The following PIP5K1B variants were observed in gnomAD, a reference collection of about 807,000 sequenced individuals.
The protein encoded by PIP5K1B is phosphatidylinositol 4-phosphate 5-kinase type-1 beta.
PIP5K1B carries 42 observed loss-of-function variants against 67.0 expected under a neutral mutation model. The observed-to-expected ratio is 0.63, with a 90% CI of 0.49 to 0.81. PIP5K1B has a LOEUF of 0.81. Ranked by LOEUF, PIP5K1B falls within the 30% of genes least tolerant of loss-of-function variation. The probability of loss-of-function intolerance (pLI) is 0.00; values close to 1 mark genes in which losing one functional copy is unlikely to be tolerated. For synonymous variants in PIP5K1B, 214 were observed against 231.4 expected (o/e 0.92, Z 0.68); for missense variants, 459 against 646.3 (o/e 0.71, Z 3.14).
At chr9:68,780,540 A>G in intron 2 of PIP5K1B, 1 of 1,614,170 alleles carries the variant, frequency 6.2e-7, no homozygotes, top group South Asian at 1.1e-5. Flanking sequence ...CCTGAGTGAC[A>G]ACGACGTGGA....
chr9:68,806,503 A>G (rs1030472154), intron 2 of PIP5K1B, among the ~76,000 whole-genome samples: 2 of 152,106 alleles, frequency 1.3e-5, no homozygotes, highest in Non-Finnish European at 1.5e-5. Context: ...TATTTTTACA[A>G]TTTTTATTGG....
At chr9:68,715,360 C>T (rs1460005365) in intron 1 of PIP5K1B, among the ~76,000 whole-genome samples, 2 of 152,150 alleles carry the variant, frequency 1.3e-5, no homozygotes, top group Admixed American at 1.3e-4. Flanking sequence ...CCTGGTCCTG[C>T]TGCCACTCCA....
intron 6 of PIP5K1B, 152 bp from the exon 7 acceptor site, chr9:68,888,829 A>G: frequency 1.9e-6 from 1 of 518,280 alleles, no homozygotes; most frequent in Non-Finnish European, 3.4e-6. Context: ...TCTCAAAAAG[A>G]GCCTTCTCGG....
intron 2 of PIP5K1B, among the ~76,000 whole-genome samples, chr9:68,802,575 G>A (rs1185453360): frequency 6.6e-6 from 1 of 152,200 alleles, no homozygotes; most frequent in Non-Finnish European, 1.5e-5. Flanking sequence ...CCCAGAGCAC[G>A]TGAGTACAGA....
At chr9:68,914,586 G>T (rs1317463074) in intron 8 of PIP5K1B, among the ~76,000 whole-genome samples, 1 of 152,206 alleles carries the variant, frequency 6.6e-6, no homozygotes, top group East Asian at 1.9e-4. Context: ...GTGGTGGCAG[G>T]CGCCTGTAGT....
intron 5 of PIP5K1B, among the ~76,000 whole-genome samples, chr9:68,868,364 A>G (rs763236416): frequency 2.6e-5 from 4 of 152,242 alleles, no homozygotes; most frequent in Admixed American, 6.5e-5. Context: ...TTTTATTCAT[A>G]TAGTAAATTG....
chr9:68,921,571 C>A (rs1021583136), intron 11 of PIP5K1B, among the ~76,000 whole-genome samples: 1 of 149,726 alleles, frequency 6.7e-6, no homozygotes, highest in Non-Finnish European at 1.5e-5. Context: ...CATCTAAGGG[C>A]CCCCCACCTT....
chr9:68,705,996 G>C (rs41287409), intron 1 of PIP5K1B: 2,192 of 152,310 alleles, frequency 0.014, 26 homozygotes, highest in Non-Finnish European at 0.02. Flanking sequence ...TCGTCACCCG[G>C]ATCCCCGGGG....
rs143818333 is a variant in PIP5K1B, at chr9:68,756,991, T to C, written c.-86+14334T>C. The stretch of plus-strand genomic sequence containing the variant: ...AAATCCAGTGTATATTTTATACTTA[T>C]AGCACATATTAGTTTAGACACGCAG... On this transcript the variant is annotated intron_variant, in intron 2 of 15. Transcript: ENST00000265382. 3.2e-3 allele frequency among the ~76,000 whole-genome samples: 490 copies of C among 152,322 alleles called. 3 individuals are homozygous for C. Among genetic ancestry groups the C allele is most frequent in the Admixed American group, 5.2e-3 (79 of 15,300 alleles).
chr9:68,780,143 C>T (rs765600711), intron 2 of PIP5K1B: 32 of 1,508,198 alleles, frequency 2.1e-5, no homozygotes, highest in Non-Finnish European at 2.6e-5. Context: ...CTGAGCACCT[C>T]CCCCGCCTCC....
Position 68,880,592 on chromosome 9 carries a change from TACAC to T in PIP5K1B, c.318+3819_318+3822del, listed in dbSNP as rs763461495. On this transcript the variant is annotated intron_variant, in intron 6 of 15. Transcript: ENST00000265382. ...ACACACACACACACACACACACGCA[TACAC>T]ACACACACACACACACACACGCATA... Among the ~76,000 whole-genome samples, 216 of 77,060 alleles carry T rather than the reference TACAC, an allele frequency of 2.8e-3. 1 individual carries two copies. In the South Asian group the frequency reaches 0.031, roughly 11 times the overall value. 50.6% of individuals were successfully genotyped at this position (77,060 alleles called of 152,430 possible). A position where few individuals can be genotyped will look rare whatever the true frequency, so the allele number is the denominator to read the frequency against.
chr9:68,714,861 C>T (rs1001510370), intron 1 of PIP5K1B, among the ~76,000 whole-genome samples: 6 of 152,140 alleles, frequency 3.9e-5, no homozygotes, highest in Admixed American at 1.3e-4. Flanking sequence ...AAGAGTTCTC[C>T]GGCAGTTCCC....
At chr9:68,900,492 A>G (rs1050356259) in intron 8 of PIP5K1B, among the ~76,000 whole-genome samples, 6 of 152,216 alleles carry the variant, frequency 3.9e-5, no homozygotes, top group Non-Finnish European at 8.8e-5. Context: ...TAAGTTATCT[A>G]TGTAAAATCT....
chr9:68,779,379 T>C (rs1363526161), intron 2 of PIP5K1B, among the ~76,000 whole-genome samples: 1 of 152,192 alleles, frequency 6.6e-6, no homozygotes, highest in Admixed American at 6.5e-5. Flanking sequence ...TTTACTTTTC[T>C]CTCCATCTCC....
At chr9:68,820,220 A>G (rs1833668085) in intron 3 of PIP5K1B, among the ~76,000 whole-genome samples, 1 of 152,228 alleles carries the variant, frequency 6.6e-6, no homozygotes, top group Non-Finnish European at 1.5e-5. Flanking sequence ...TTTTACCCTG[A>G]GCCTGATACA....
At chr9:68,943,584 A>G (rs3750375) in intron 14 of PIP5K1B, among the ~76,000 whole-genome samples, 9,235 of 152,100 alleles carry the variant, frequency 0.061, 575 homozygotes, top group African/African-American at 0.16. Flanking sequence ...ATAAATAGAC[A>G]CTACTCTAAA....
chr9:68,972,021 T>A (rs1010577038), intron 14 of PIP5K1B, among the ~76,000 whole-genome samples: 1 of 152,232 alleles, frequency 6.6e-6, no homozygotes, highest in African/African-American at 2.4e-5. Flanking sequence ...TTGGCTTTTG[T>A]TGCCATTGCT....
chr9:68,772,664 T>G (rs1177594874), intron 2 of PIP5K1B, among the ~76,000 whole-genome samples: 1 of 152,218 alleles, frequency 6.6e-6, no homozygotes, highest in Non-Finnish European at 1.5e-5. Context: ...TGCCCAATTA[T>G]TCTACTCAGA....
intron 4 of PIP5K1B, among the ~76,000 whole-genome samples, chr9:68,851,531 G>A (rs764957707): frequency 5.9e-5 from 9 of 152,194 alleles, no homozygotes; most frequent in Non-Finnish European, 7.3e-5. Flanking sequence ...CAAAAGTCAC[G>A]TATGAAATGA....
Sources: allele counts gnomAD v4.1 joint callset (sites outside exome capture counted in the v4.1 genomes callset), GRCh38; gene constraint gnomAD v4.1.1; transcripts MANE v1.5; gene names NCBI Gene and HGNC (gene_info 2026-07-23, HGNC 2026-07-21).